CLNK: variants seen among roughly 807,000 people sequenced by gnomAD.
CLNK encodes cytokine-dependent hematopoietic cell linker.
In CLNK, 74 loss-of-function variants were observed where a neutral mutation model predicts 68.6. The ratio of observed to expected loss-of-function variants is 1.08; its 90% confidence interval spans 0.89 to 1.31. The LOEUF (loss-of-function observed/expected upper bound fraction) is 1.31. CLNK is among the 50% of genes most tolerant of loss of function. CLNK has a pLI of 0.00. For missense variants in CLNK, 553 were observed against 515.3 expected, an observed-to-expected ratio of 1.07 and a Z score of -0.71; for synonymous variants, 198 against 172.2, an observed-to-expected ratio of 1.15 and a Z score of -1.17.
chr4:10,722,127 T>A, the CLNK span, among the ~76,000 whole-genome samples: 3 of 152,098 alleles, frequency 2.0e-5, no homozygotes, highest in Non-Finnish European at 2.9e-5. Flanking sequence ...TGAGCCCTGA[T>A]CATGCCACTG....
intron 8 of CLNK, among the ~76,000 whole-genome samples, chr4:10,542,602 C>A (rs544743452): frequency 6.6e-6 from 1 of 151,542 alleles, no homozygotes; most frequent in South Asian, 2.1e-4. Flanking sequence ...CCTTTGAAAC[C>A]ACGGATTCCT....
chr4:10,573,654 C>G (rs767339539), intron 4 of CLNK, among the ~76,000 whole-genome samples: 5 of 152,206 alleles, frequency 3.3e-5, no homozygotes, highest in Non-Finnish European at 7.3e-5. Flanking sequence ...GAAAACAACT[C>G]CACTGTTTAA....
At chr4:10,574,421 C>T (rs1720473295) in intron 4 of CLNK, among the ~76,000 whole-genome samples, 1 of 152,206 alleles carries the variant, frequency 6.6e-6, no homozygotes, top group African/African-American at 2.4e-5. Flanking sequence ...TCCCATTCTC[C>T]ATGTCTGATC....
intron 2 of CLNK, among the ~76,000 whole-genome samples, chr4:10,639,184 T>C (rs1414337042): frequency 2.0e-5 from 3 of 152,224 alleles, no homozygotes; most frequent in Non-Finnish European, 4.4e-5. Context: ...TAATGTCAAG[T>C]TTCAGGCCCT....
chr4:10,491,285 T>G (rs1048898458), intron 18 of CLNK, among the ~76,000 whole-genome samples: 1 of 152,218 alleles, frequency 6.6e-6, no homozygotes, highest in Non-Finnish European at 1.5e-5. Context: ...GATGGGTTAA[T>G]TACACAGCAA....
At chr4:10,536,250 C>T (rs138978567) in intron 11 of CLNK, among the ~76,000 whole-genome samples, 1 of 152,274 alleles carries the variant, frequency 6.6e-6, no homozygotes, top group East Asian at 1.9e-4. Context: ...ACTCACAGTG[C>T]CTTACCAACA....
In CLNK at chr4:10,546,165, C is replaced by G. The variant is rs370921547; in HGVS notation, c.446-3885G>C. Reference sequence around the variant, plus strand: ...TAGCAAATGGTCACTGGGATATACCCTTGGTTTTCTCCTCTGAAGACTTTT... The same window carrying G: ...TAGCAAATGGTCACTGGGATATACCGTTGGTTTTCTCCTCTGAAGACTTTT... On this transcript the variant is annotated intron_variant, in intron 8 of 18. Coordinates refer to ENST00000226951, the MANE Select transcript of CLNK (RefSeq NM_052964.4). Among the ~76,000 whole-genome samples, 52 of 152,282 alleles carry G rather than the reference C, an allele frequency of 3.4e-4. No homozygotes were observed. The East Asian group carries it at 4.2e-3, about 12-fold the overall frequency.
At chr4:10,718,955 A>T in the CLNK span, among the ~76,000 whole-genome samples, 1 of 152,106 alleles carries the variant, frequency 6.6e-6, no homozygotes, top group Non-Finnish European at 1.5e-5. Flanking sequence ...AAATGACAAC[A>T]CCAGACTGTG....
chr4:10,702,067 T>C, the CLNK span, among the ~76,000 whole-genome samples: 1 of 152,194 alleles, frequency 6.6e-6, no homozygotes, highest in Non-Finnish European at 1.5e-5. Context: ...TTTACCATGC[T>C]CCTTGCATGT....
In CLNK at chr4:10,584,923, T is replaced by C; in HGVS notation, c.112+4A>G. The C allele has an allele frequency of 6.2e-7, 1 of 1,613,726 alleles. No homozygotes were observed. The highest frequency in any genetic ancestry group is 8.5e-7 in the Non-Finnish European group (1 of 1,179,792). ...CACTTAGGTGACAGAGAGCCCCGAC[T>C]CACCTGTGGCACTATTGATGCGAGG... On this transcript the variant is annotated splice_donor_region_variant and intron_variant, in intron 4 of 18. Transcript: ENST00000226951.
At chr4:10,668,746 G>A (rs1456004294) in intron 1 of CLNK, among the ~76,000 whole-genome samples, 1 of 152,196 alleles carries the variant, frequency 6.6e-6, no homozygotes, top group African/African-American at 2.4e-5. Flanking sequence ...GTTGCGGGTA[G>A]AGGAGCTGTG....
At chr4:10,538,147 TCTCTGTTGCC>T (rs975061139) in intron 11 of CLNK, among the ~76,000 whole-genome samples, 8 of 152,204 alleles carry the variant, frequency 5.3e-5, no homozygotes, top group Admixed American at 1.3e-4. Context: ...AGACAGTCTC[TCTCTGTTGCC>T]CTCTGTCGCC....
intron 1 of CLNK, among the ~76,000 whole-genome samples, chr4:10,672,216 A>T (rs923311658): frequency 2.6e-5 from 4 of 152,172 alleles, no homozygotes; most frequent in African/African-American, 9.7e-5. Flanking sequence ...GCTTGTTGAA[A>T]CTGTGCTAGG....
intron 2 of CLNK, among the ~76,000 whole-genome samples, chr4:10,659,824 C>T (rs547006188): frequency 6.6e-6 from 1 of 152,230 alleles, no homozygotes; most frequent in South Asian, 2.1e-4. Context: ...TTTTCTAGGA[C>T]TTCCTGATAT....
intron 3 of CLNK, among the ~76,000 whole-genome samples, chr4:10,589,297 C>T (rs1198128379): frequency 6.6e-6 from 1 of 152,160 alleles, no homozygotes; most frequent in Non-Finnish European, 1.5e-5. Flanking sequence ...GTCCGAGTCC[C>T]TCCAAATCCC....
chr4:10,537,599 G>A (rs1006246122), intron 11 of CLNK, among the ~76,000 whole-genome samples: 1 of 151,168 alleles, frequency 6.6e-6, no homozygotes. Context: ...CTCCCTCCCT[G>A]TCTTTCTCCC....
the CLNK span, chr4:10,691,966 G>C: frequency 6.6e-6 from 1 of 152,106 alleles, no homozygotes; most frequent in Non-Finnish European, 1.5e-5. Flanking sequence ...AATAAAATTA[G>C]ATCTTTGACT....
the CLNK span, chr4:10,692,012 C>T: frequency 6.6e-6 from 1 of 151,874 alleles, no homozygotes; most frequent in African/African-American, 2.4e-5. Flanking sequence ...CTTTCTCATT[C>T]TCTCTCCCTG....
intron 2 of CLNK, among the ~76,000 whole-genome samples, chr4:10,622,519 C>T (rs16870781): frequency 0.03 from 4,520 of 152,198 alleles, 233 homozygotes; most frequent in African/African-American, 0.095. Context: ...CTTTGCCCAA[C>T]CTTGGTTGAA....
Sources: gnomAD v4.1 joint callset for allele counts (sites outside exome capture counted in the v4.1 genomes callset) on GRCh38, gnomAD v4.1.1 for gene constraint, MANE v1.5 for transcripts, NCBI Gene and HGNC (gene_info 2026-07-23, HGNC 2026-07-21) for gene names.